Variants in GTF3A observed in about 807,000 individuals in gnomAD.
GTF3A encodes transcription factor IIIA.
A neutral mutation model predicts 37.6 loss-of-function variants in GTF3A; 40 were observed. The observed-to-expected ratio is 1.06, with a 90% confidence interval of 0.83 to 1.38. GTF3A has a LOEUF of 1.38. GTF3A is among the 40% of genes most tolerant of loss of function. The probability of loss-of-function intolerance (pLI) is 0.00; values close to 1 mark genes in which losing one functional copy is unlikely to be tolerated. For synonymous variants in GTF3A, 191 were observed against 166.7 expected, an observed-to-expected ratio of 1.15 and a Z score of -1.12; for missense variants, 500 against 462.6, an observed-to-expected ratio of 1.08 and a Z score of -0.74.
chr13:27,432,800 C>T lies in GTF3A; in HGVS notation c.558C>T (p.His186=), dbSNP rs751207309. Residue 186 remains histidine (H), a synonymous_variant, in exon 5 of 9, where the codon CAC becomes CAT. Coordinates refer to ENST00000381140, the MANE Select transcript of GTF3A (RefSeq NM_002097.3). ...AGCTGAAACGACATGCCAAGGCCCA[C>T]GAGGGTGTGTACGGATAGCCTGGGT... 17 of 1,600,098 alleles carry T rather than the reference C, an allele frequency of 1.1e-5. No homozygotes were observed. Among genetic ancestry groups the T allele is most frequent in the African/African-American group, 4.0e-5 (3 of 74,718 alleles).
intron 1 of GTF3A, chr13:27,425,229 C>A: frequency 2.6e-6 from 1 of 388,492 alleles, no homozygotes; most frequent in East Asian, 4.3e-5. Context: ...TGAGGGGGCC[C>A]ACCGCTACTA....
intron 5 of GTF3A, 96 bp from the exon 6 acceptor site, chr13:27,434,043 A>T (rs1953684190): frequency 4.3e-6 from 3 of 700,832 alleles, no homozygotes; most frequent in Non-Finnish European, 7.9e-6. Flanking sequence ...TAGGCGGGGA[A>T]TGGAAAATTA....
Position 27,434,172 on chromosome 13 carries a change from C to CA in GTF3A, c.601dup (p.Thr201AsnfsTer14). On this transcript the variant is annotated frameshift_variant, in exon 6 of 9. Transcript: ENST00000381140. LOFTEE classifies it high-confidence loss of function. ...TGTCAAAAAGGATGTTCCTTTGTGG[C>CA]AAAAACATGGACGGAACTTCTGAAA... 1 of 1,427,864 alleles carries CA rather than the reference C, an allele frequency of 7.0e-7. No homozygotes were observed. The highest frequency in any genetic ancestry group is 9.9e-7 in the Non-Finnish European group (1 of 1,010,206). 88.4% of individuals were successfully genotyped at this position (1,427,864 alleles called of 1,614,324 possible). A position where few individuals can be genotyped will look rare whatever the true frequency, so the allele number is the denominator to read the frequency against.
rs900794534 is a variant in GTF3A at position 27,432,804 on chromosome 13, G to A, written c.562G>A (p.Gly188Ser). The change falls in exon 5 of 9, where the codon GGC becomes AGC. Residue 188 changes from glycine to serine, a missense_variant and splice_region_variant. Physicochemically the swap from Gly to Ser is moderately conservative, Grantham distance 56. Transcript: ENST00000381140. The stretch of plus-strand genomic sequence containing the variant: ...GAAACGACATGCCAAGGCCCACGAG[G>A]GTGTGTACGGATAGCCTGGGTGTGC... 5.0e-6 allele frequency: 8 copies of A among 1,598,170 alleles called. No individual in the cohort carries two copies. The highest frequency in any genetic ancestry group is 6.0e-6 in the Non-Finnish European group (7 of 1,171,944).
chr13:27,433,320 A>ATT lies in GTF3A; in HGVS notation c.562+528_562+529dup, dbSNP rs137955568. Among the ~76,000 whole-genome samples the ATT allele has an allele frequency of 5.2e-4, 76 of 145,314 alleles. No homozygotes were observed. The South Asian group carries it at 7.1e-3, about 14-fold the overall frequency. On this transcript the variant is annotated intron_variant, in intron 5 of 8. Coordinates refer to ENST00000381140, the MANE Select transcript of GTF3A (RefSeq NM_002097.3). The stretch of plus-strand genomic sequence containing the variant: ...AATTTCCCAGGTCCTAGAATTTATG[A>ATT]TTTTTTTTTTTTTAAGAGGTTAGTA...
Position 27,435,446 on chromosome 13 carries a change from G to T in GTF3A, c.947G>T (p.Arg316Leu), listed in dbSNP as rs781051153. The change falls in exon 9 of 9, where the codon CGT becomes CTT. Residue 316 changes from arginine to leucine, a missense_variant. By Grantham distance (102) the Arg-to-Leu change is moderately radical. Transcript: ENST00000381140. ...TTATTCCCAAAGGTCAAAAAATCTC[G>T]TGAAAAACGGAGTTTGGCCTCTCAT... The T allele has an allele frequency of 6.2e-7, 1 of 1,612,158 alleles. No individual in the cohort carries two copies. The highest frequency in any genetic ancestry group is 8.5e-7 in the Non-Finnish European group (1 of 1,178,968).
At chr13:27,427,710 G>A (rs1953618122) in intron 2 of GTF3A, among the ~76,000 whole-genome samples, 1 of 151,842 alleles carries the variant, frequency 6.6e-6, no homozygotes, top group Non-Finnish European at 1.5e-5. Context: ...GGGTAGGCAG[G>A]AAGCAACTAT....
At position 27,430,042 on chromosome 13, in the gene GTF3A, A is replaced by G. The variant is rs1191573735; in HGVS notation, c.399+76A>G. 4 of 752,014 alleles carry G rather than the reference A, an allele frequency of 5.3e-6. No individual in the cohort carries two copies. The African/African-American group carries it at 7.2e-5, about 14-fold the overall frequency. 46.6% of individuals were successfully genotyped at this position (752,014 alleles called of 1,614,324 possible). ...GCCTATGTTTCTGACATTTTCAGCCAGGTGCGGTGGCTCAAGCCTATAATC... is the reference window on the plus strand; with the variant it reads ...GCCTATGTTTCTGACATTTTCAGCCGGGTGCGGTGGCTCAAGCCTATAATC... On this transcript the variant is annotated intron_variant, in intron 3 of 8. Transcript: ENST00000381140.
chr13:27,434,172 C>A lies in GTF3A; in HGVS notation c.596C>A (p.Ala199Glu). 1 of 1,427,870 alleles carries A rather than the reference C, an allele frequency of 7.0e-7. No individual in the cohort carries two copies. The highest frequency in any genetic ancestry group is 9.9e-7 in the Non-Finnish European group (1 of 1,010,212). The allele number at this position is 1,427,870 out of a possible 1,614,324, so 88.5% of individuals were successfully genotyped here. ...TGTCAAAAAGGATGTTCCTTTGTGG[C>A]AAAAACATGGACGGAACTTCTGAAA... Residue 199 changes from alanine to glutamate, a missense_variant, in exon 6 of 9, where the codon GCA becomes GAA. Physicochemically the swap from Ala to Glu is moderately radical, Grantham distance 107. Coordinates refer to ENST00000381140, the MANE Select transcript of GTF3A (RefSeq NM_002097.3).
At position 27,434,822 on chromosome 13, in the gene GTF3A, G is replaced by A. The variant is rs914310045; in HGVS notation, c.661G>A (p.Val221Ile). ...CCCACCAGAGGAAATACTATGTGAA[G>A]TATGCCGGAAAACATTTAAACGCAA... The change falls in exon 7 of 9, where the codon GTA becomes ATA. Residue 221 changes from valine to isoleucine, a missense_variant. Val to Ile is a conservative substitution (Grantham distance 29, BLOSUM62 3). Transcript: ENST00000381140. 6.2e-7 allele frequency: 1 copy of A among 1,609,354 alleles called. No individual in the cohort carries two copies. Among genetic ancestry groups the A allele is most frequent in the African/African-American group, 1.3e-5 (1 of 74,818 alleles).
chr13:27,427,311 C>T (rs577409442), intron 2 of GTF3A, 119 bp downstream of exon 2: 2 of 655,746 alleles, frequency 3.0e-6, no homozygotes, highest in Non-Finnish European at 5.6e-6. Flanking sequence ...GGCTCGGTGG[C>T]TCATGCCTGT....
rs369293379 is a variant in GTF3A at position 27,432,832 on chromosome 13, C to T, written c.562+28C>T. On this transcript the variant is annotated intron_variant, in intron 5 of 8. Transcript: ENST00000381140. Reference sequence around the variant, plus strand: ...GTGTACGGATAGCCTGGGTGTGCTCCGAGGGGGATGCCAAATCCTGGGCGC... The same window carrying T: ...GTGTACGGATAGCCTGGGTGTGCTCTGAGGGGGATGCCAAATCCTGGGCGC... The T allele has an allele frequency of 9.7e-5, 152 of 1,564,862 alleles. 1 individual carries two copies. In the African/African-American group the frequency reaches 1.5e-3, roughly 15 times the overall value.
At position 27,424,865 on chromosome 13, in the gene GTF3A, C is replaced by A; in HGVS notation, c.128C>A (p.Ser43Tyr). 1.3e-6 allele frequency: 2 copies of A among 1,550,218 alleles called. No homozygotes were observed. Among genetic ancestry groups the A allele is most frequent in the Non-Finnish European group, 1.7e-6 (2 of 1,146,426 alleles). Residue 43 changes from serine (S) to tyrosine (Y), a missense_variant, in exon 1 of 9, where the codon TCC becomes TAC. Coordinates refer to ENST00000381140, the MANE Select transcript of GTF3A (RefSeq NM_002097.3). ...GCGCTTCCCAGGAGGTTCATCTGCT[C>A]CTTCCCTGACTGCAGCGCCAATTAC...
chr13:27,435,601 C>T lies in GTF3A; in HGVS notation c.*4C>T, dbSNP rs188197882. ...TGCAGTACTTACCCTTGGCTAAGAACTGCACTGCTTTGTTTAAAGGACTGC... is the reference window on the plus strand; with the variant it reads ...TGCAGTACTTACCCTTGGCTAAGAATTGCACTGCTTTGTTTAAAGGACTGC... On this transcript the variant is annotated 3_prime_UTR_variant, in exon 9 of 9. Coordinates refer to ENST00000381140, the MANE Select transcript of GTF3A (RefSeq NM_002097.3). The T allele has an allele frequency of 4.0e-5, 64 of 1,613,342 alleles. No individual in the cohort carries two copies. The African/African-American group carries it at 7.7e-4, about 19-fold the overall frequency.
rs1329758295 is a variant in GTF3A, at chr13:27,424,874, A to C, written c.137A>C (p.Asp46Ala). 2 of 1,549,908 alleles carry C rather than the reference A, an allele frequency of 1.3e-6. No individual in the cohort carries two copies. Among genetic ancestry groups the C allele is most frequent in the East Asian group, 4.9e-5 (2 of 40,772 alleles). ...AGGAGGTTCATCTGCTCCTTCCCTGACTGCAGCGCCAATTACAGCAAAGCC... is the reference window on the plus strand; with the variant it reads ...AGGAGGTTCATCTGCTCCTTCCCTGCCTGCAGCGCCAATTACAGCAAAGCC... The change falls in exon 1 of 9, where the codon GAC (aspartate) becomes GCC (alanine). Residue 46 changes from aspartate (D) to alanine (A), a missense_variant. Transcript: ENST00000381140.
chr13:27,425,622 T>C (rs1251804296), intron 1 of GTF3A: 2 of 152,086 alleles, frequency 1.3e-5, no homozygotes, highest in Non-Finnish European at 2.9e-5. Context: ...GTAGGCCCAT[T>C]AGGAGTTTGG....
At chr13:27,434,581 T>C in intron 6 of GTF3A, 1 of 571,068 alleles carries the variant, frequency 1.8e-6, no homozygotes, top group East Asian at 2.9e-5. Flanking sequence ...CTGAGAGCCC[T>C]GCCTCTTGGC....
At position 27,424,830 on chromosome 13, in the gene GTF3A, G is replaced by A. The variant is rs995543504; in HGVS notation, c.93G>A (p.Pro31=). 4 of 1,550,732 alleles carry A rather than the reference G, an allele frequency of 2.6e-6. No homozygotes were observed. The highest frequency in any genetic ancestry group is 2.0e-5 in the Admixed American group (1 of 51,002). The change falls in exon 1 of 9, where the codon CCG becomes CCA. Residue 31 remains proline (P), a synonymous_variant. Coordinates refer to ENST00000381140, the MANE Select transcript of GTF3A (RefSeq NM_002097.3). ...CCGGCGAGAGCTCAGCTCCGACCCC[G>A]CCGCGCCCCGCGCTTCCCAGGAGGT... is the stretch of plus-strand genomic sequence containing the variant.
At chr13:27,430,474 C>A in intron 3 of GTF3A, 59 bp from the exon 4 acceptor site, 1 of 1,040,200 alleles carries the variant, frequency 9.6e-7, no homozygotes, top group Non-Finnish European at 1.5e-6. Flanking sequence ...GATTCTGTTA[C>A]GAACTGTTCA....
Sources: allele counts gnomAD v4.1 joint callset (sites outside exome capture counted in the v4.1 genomes callset), GRCh38; gene constraint gnomAD v4.1.1; transcripts MANE v1.5; gene names NCBI Gene and HGNC (gene_info 2026-07-23, HGNC 2026-07-21).